Variants in MYH16 observed in about 807,000 individuals in gnomAD.
The protein encoded by MYH16 is myosin heavy chain 16.
chr7:99,269,027 CAG>C (rs1792018782), intron 18 of MYH16, among the ~76,000 whole-genome samples: 1 of 152,222 alleles, frequency 6.6e-6, no homozygotes, highest in Non-Finnish European at 1.5e-5. Flanking sequence ...GTCAGACACA[CAG>C]CACATCCAAG....
intron 20 of MYH16, among the ~76,000 whole-genome samples, chr7:99,274,054 G>C (rs1247274271): frequency 6.6e-6 from 1 of 152,262 alleles, no homozygotes; most frequent in African/African-American, 2.4e-5. Flanking sequence ...CCCTGGGCAT[G>C]TTGAGGCATC....
intron 33 of MYH16, among the ~76,000 whole-genome samples, chr7:99,296,211 A>G (rs370683596): frequency 1.3e-5 from 2 of 152,114 alleles, no homozygotes; most frequent in African/African-American, 4.8e-5. Context: ...CACGAAAGAA[A>G]CAAAGCAAAA....
At chr7:99,277,629 T>C (rs772698852) in exon 21 of MYH16, 3 of 454,438 alleles carry the variant, frequency 6.6e-6, no homozygotes, top group Non-Finnish European at 1.3e-5. Context: ...AACCCAGGAG[T>C]TGGTAAACAA....
At chr7:99,289,247 C>A (rs538511224) in intron 29 of MYH16, 40 bp from the exon 11 acceptor site, 10 of 265,238 alleles carry the variant, frequency 3.8e-5, no homozygotes, top group African/African-American at 1.6e-4. Flanking sequence ...TGGCCTCCCC[C>A]ACCCGCAACT....
At chr7:99,260,670 T>TG in intron 12 of MYH16, 1 of 208,744 alleles carries the variant, frequency 4.8e-6, no homozygotes, top group African/African-American at 2.3e-5. Context: ...CCTTGTCCAA[T>TG]GTCCCACAAC....
intron 33 of MYH16, among the ~76,000 whole-genome samples, chr7:99,295,383 AAAAAG>A (rs1792468290): frequency 6.6e-6 from 1 of 152,024 alleles, no homozygotes; most frequent in Admixed American, 6.6e-5. Flanking sequence ...GCTCCAAAAA[AAAAAG>A]AAAAGAAAGT....
At chr7:99,248,764 A>G (rs890932023) in intron 3 of MYH16, among the ~76,000 whole-genome samples, 1 of 152,118 alleles carries the variant, frequency 6.6e-6, no homozygotes, top group Non-Finnish European at 1.5e-5. Flanking sequence ...TGGTAGAAAG[A>G]GTGGCTGATA....
At chr7:99,252,095 G>A (rs1563103025) in intron 6 of MYH16, among the ~76,000 whole-genome samples, 2 of 152,208 alleles carry the variant, frequency 1.3e-5, no homozygotes, top group Non-Finnish European at 2.9e-5. Flanking sequence ...GAGGTCACCT[G>A]GGGAGACAGA....
exon 11 of MYH16, chr7:99,258,346 T>G (rs1452397232): frequency 6.4e-6 from 1 of 156,060 alleles, no homozygotes; most frequent in Non-Finnish European, 1.5e-5. Flanking sequence ...GCAGAGGCAG[T>G]TCTTCATTGG....
intron 21 of MYH16, 21 bp from the exon 4 acceptor site, chr7:99,279,489 C>T (rs780562281): frequency 1.5e-5 from 7 of 455,004 alleles, no homozygotes; most frequent in South Asian, 4.7e-5. Context: ...TGTCCTCGAC[C>T]GGGGCTCTTT....
intron 30 of MYH16, among the ~76,000 whole-genome samples, chr7:99,290,510 C>G (rs1025125279): frequency 7.9e-6 from 1 of 126,034 alleles, no homozygotes; most frequent in Admixed American, 8.0e-5. Flanking sequence ...AAAAAAAAAT[C>G]AATATCCAGC....
exon 31 of MYH16, chr7:99,291,405 G>A (rs565257009): frequency 2.1e-4 from 94 of 456,576 alleles, no homozygotes; most frequent in African/African-American, 1.7e-3. Context: ...CATCTCTGAC[G>A]TCACAAGTGG....
chr7:99,266,968 C>T (rs1306453088), exon 18 of MYH16: 1 of 152,680 alleles, frequency 6.5e-6, no homozygotes, highest in Non-Finnish European at 1.5e-5. Context: ...AAATTGGACA[C>T]ACCAAGGTAG....
At chr7:99,284,539 T>C (rs1328342913) in intron 25 of MYH16, among the ~76,000 whole-genome samples, 1 of 152,132 alleles carries the variant, frequency 6.6e-6, no homozygotes, top group Non-Finnish European at 1.5e-5. Flanking sequence ...CAGTGAGCCA[T>C]GATCATGCCA....
chr7:99,240,839 C>A (rs74778016), intron 1 of MYH16, among the ~76,000 whole-genome samples: 39 of 143,966 alleles, frequency 2.7e-4, no homozygotes, highest in South Asian at 2.2e-4. Flanking sequence ...AACCTTGTCT[C>A]AAAAAAAAAA....
At chr7:99,251,589 T>C (rs1170427482) in intron 6 of MYH16, among the ~76,000 whole-genome samples, 2 of 152,250 alleles carry the variant, frequency 1.3e-5, no homozygotes, top group Non-Finnish European at 2.9e-5. Context: ...TTTTTTTGTT[T>C]TGATTTGTTT....
chr7:99,267,333 A>G (rs760486067), intron 18 of MYH16, among the ~76,000 whole-genome samples: 2 of 152,116 alleles, frequency 1.3e-5, no homozygotes, highest in Admixed American at 6.5e-5. Flanking sequence ...GGCTCAAGTG[A>G]TCCTCCTGCC....
At chr7:99,275,877 C>A (rs1373921236) in intron 20 of MYH16, among the ~76,000 whole-genome samples, 1 of 152,200 alleles carries the variant, frequency 6.6e-6, no homozygotes, top group African/African-American at 2.4e-5. Flanking sequence ...GATTAAGGCG[C>A]CTGCCACCAC....
At chr7:99,239,288 A>T (rs968105148) in intron 1 of MYH16, among the ~76,000 whole-genome samples, 6 of 152,246 alleles carry the variant, frequency 3.9e-5, no homozygotes, top group African/African-American at 1.4e-4. Flanking sequence ...ACTCTAAGAC[A>T]GTACCGTGCG....
Sources: allele counts gnomAD v4.1 joint callset (sites outside exome capture counted in the v4.1 genomes callset), GRCh38; gene constraint gnomAD v4.1.1; transcripts MANE v1.5; gene names NCBI Gene and HGNC (gene_info 2026-07-23, HGNC 2026-07-21).